CTNNA3: variants seen among roughly 807,000 people sequenced by gnomAD.
CTNNA3 encodes the protein catenin alpha 3, also known as catenin alpha-3.
A neutral mutation model predicts 95.7 loss-of-function variants in CTNNA3; 76 were observed. The observed-to-expected ratio is 0.79, with a 90% CI of 0.66 to 0.96. The LOEUF is 0.96. Ranked by LOEUF, CTNNA3 falls within the 40% of genes least tolerant of loss-of-function variation. The pLI is 0.00. For synonymous variants in CTNNA3, 431 were observed against 374.4 expected (o/e 1.15, Z -1.74); for missense variants, 1,191 against 1,089.8 (o/e 1.09, Z -1.31).
intron 6 of CTNNA3, 78 bp from the exon 7 acceptor site, chr10:67,180,598 T>C (rs1041815181): frequency 2.4e-6 from 3 of 1,234,948 alleles, no homozygotes; most frequent in Non-Finnish European, 2.3e-6. Context: ...ATTTTGTTTT[T>C]GCATTTAGAA....
At chr10:67,418,564 C>G (rs751350230) in intron 5 of CTNNA3, among the ~76,000 whole-genome samples, 5 of 150,262 alleles carry the variant, frequency 3.3e-5, no homozygotes, top group Admixed American at 6.6e-5. Flanking sequence ...GGGTGAACTT[C>G]AAGCATATTA....
intron 7 of CTNNA3, among the ~76,000 whole-genome samples, chr10:66,882,858 C>T (rs1219041669): frequency 1.3e-5 from 2 of 151,992 alleles, no homozygotes; most frequent in Non-Finnish European, 2.9e-5. Flanking sequence ...TTAACTTTGG[C>T]CTAATTGCTT....
chr10:66,518,229 GA>G (rs1487046074), intron 11 of CTNNA3, among the ~76,000 whole-genome samples: 1 of 152,078 alleles, frequency 6.6e-6, no homozygotes, highest in Non-Finnish European at 1.5e-5. Context: ...GCACTAAAGG[GA>G]AAAACTATTA....
At chr10:66,220,831 C>G (rs1306278329) in intron 13 of CTNNA3, among the ~76,000 whole-genome samples, 1 of 152,132 alleles carries the variant, frequency 6.6e-6, no homozygotes, top group South Asian at 2.1e-4. Context: ...TCTCTTCTCT[C>G]CTTCTCTGCC....
chr10:66,038,431 G>C (rs2079612411), intron 15 of CTNNA3, among the ~76,000 whole-genome samples: 1 of 152,102 alleles, frequency 6.6e-6, no homozygotes, highest in South Asian at 2.1e-4. Flanking sequence ...ACCTACAGTA[G>C]ACCCCAGCAG....
intron 7 of CTNNA3, among the ~76,000 whole-genome samples, chr10:66,918,904 G>A (rs1589423862): frequency 6.6e-6 from 1 of 152,112 alleles, no homozygotes; most frequent in Non-Finnish European, 1.5e-5. Flanking sequence ...GGGAGGCTGA[G>A]GCGGGCAGAT....
At chr10:67,358,125 T>C (rs1474121182) in intron 5 of CTNNA3, among the ~76,000 whole-genome samples, 1 of 152,140 alleles carries the variant, frequency 6.6e-6, no homozygotes, top group African/African-American at 2.4e-5. Context: ...TACACAAAAA[T>C]TAATTCAAAA....
At chr10:67,647,096 A>G (rs1221424714) in intron 2 of CTNNA3, among the ~76,000 whole-genome samples, 1 of 149,742 alleles carries the variant, frequency 6.7e-6, no homozygotes, top group African/African-American at 2.4e-5. Context: ...TGCCTCATTC[A>G]GTTTTCACGA....
At chr10:66,622,343 G>A (rs1443562510) in intron 9 of CTNNA3, among the ~76,000 whole-genome samples, 4 of 152,098 alleles carry the variant, frequency 2.6e-5, no homozygotes, top group East Asian at 3.9e-4. Flanking sequence ...TGACATTCCT[G>A]CAGTGCATTT....
chr10:67,634,450 G>A (rs182250148), intron 2 of CTNNA3, among the ~76,000 whole-genome samples: 7 of 152,246 alleles, frequency 4.6e-5, no homozygotes, highest in Middle Eastern at 3.4e-3. Context: ...CTAGCATCAT[G>A]ATGATAAGAT....
chr10:66,302,514 C>T (rs2091876412), intron 12 of CTNNA3, among the ~76,000 whole-genome samples: 1 of 152,032 alleles, frequency 6.6e-6, no homozygotes, highest in Admixed American at 6.5e-5. Flanking sequence ...TTTCGAAAGA[C>T]ACTATGAAGA....
chr10:67,446,400 C>T (rs925720737), intron 5 of CTNNA3, among the ~76,000 whole-genome samples: 1 of 152,134 alleles, frequency 6.6e-6, no homozygotes, highest in African/African-American at 2.4e-5. Flanking sequence ...ATGTGTCATT[C>T]CCCTGCTCAA....
chr10:67,013,291 G>A (rs1852454156), intron 7 of CTNNA3, among the ~76,000 whole-genome samples: 1 of 151,412 alleles, frequency 6.6e-6, no homozygotes, highest in Non-Finnish European at 1.5e-5. Flanking sequence ...CAAAATTAAA[G>A]TTGTATATCT....
intron 5 of CTNNA3, among the ~76,000 whole-genome samples, chr10:67,482,656 C>T (rs1848279744): frequency 6.6e-6 from 1 of 152,160 alleles, no homozygotes; most frequent in East Asian, 1.9e-4. Context: ...TGGGCTGAGA[C>T]AATGGGGTTT....
intron 5 of CTNNA3, among the ~76,000 whole-genome samples, chr10:67,366,665 G>C (rs1367870508): frequency 2.6e-5 from 4 of 151,484 alleles, no homozygotes; most frequent in Admixed American, 1.3e-4. Context: ...AAGACACATA[G>C]ATTAATGGGA....
chr10:67,757,767 T>G (rs1564847427), intron 1 of CTNNA3, among the ~76,000 whole-genome samples: 1 of 152,192 alleles, frequency 6.6e-6, no homozygotes, highest in Non-Finnish European at 1.5e-5. Context: ...CTGGCTTCCT[T>G]GCTCCTCAAT....
chr10:65,943,074 T>C (rs989152342), intron 17 of CTNNA3, among the ~76,000 whole-genome samples: 56 of 151,614 alleles, frequency 3.7e-4, no homozygotes, highest in African/African-American at 5.1e-4. Flanking sequence ...TTTTCTTTTT[T>C]TTTTTTTGAG....
intron 7 of CTNNA3, among the ~76,000 whole-genome samples, chr10:66,938,855 C>G (rs1196608964): frequency 2.0e-5 from 3 of 152,114 alleles, no homozygotes; most frequent in African/African-American, 4.8e-5. Flanking sequence ...AGTCTAGCTG[C>G]GAATACACCT....
chr10:66,878,896 T>A (rs76564633), intron 7 of CTNNA3, among the ~76,000 whole-genome samples: 94 of 152,308 alleles, frequency 6.2e-4, no homozygotes, highest in African/African-American at 2.2e-3. Context: ...AAGATAAATG[T>A]GACTTTGTAC....
Sources: gnomAD v4.1 joint callset for allele counts (sites outside exome capture counted in the v4.1 genomes callset) on GRCh38, gnomAD v4.1.1 for gene constraint, MANE v1.5 for transcripts, NCBI Gene and HGNC (gene_info 2026-07-23, HGNC 2026-07-21) for gene names.